PLPP3: variants seen among roughly 807,000 people sequenced by gnomAD.
PLPP3 encodes the protein phospholipid phosphatase 3, also known as PAP2 beta.
PLPP3 carries 6 observed loss-of-function variants against 29.6 expected under a neutral mutation model. The observed-to-expected ratio is 0.20, with a 90% CI of 0.11 to 0.40. The LOEUF (loss-of-function observed/expected upper bound fraction) is 0.40. Ranked by LOEUF, PLPP3 falls within the 10% of genes least tolerant of loss-of-function variation. The pLI is 1.00. For missense variants in PLPP3, 308 were observed against 407.7 expected (o/e 0.76, Z 2.11); for synonymous variants, 152 against 159.7 (o/e 0.95, Z 0.36).
intron 1 of PLPP3, among the ~76,000 whole-genome samples, chr1:56,548,949 A>G (rs1199985866): frequency 1.3e-5 from 2 of 152,236 alleles, no homozygotes; most frequent in South Asian, 2.1e-4. Context: ...GAAGTTAACA[A>G]AACTGCTGCT....
chr1:56,533,973 C>A (rs963809308), intron 2 of PLPP3, among the ~76,000 whole-genome samples: 3 of 152,120 alleles, frequency 2.0e-5, no homozygotes, highest in African/African-American at 4.8e-5. Flanking sequence ...GAGATTCATC[C>A]GTGACTCAAC....
intron 4 of PLPP3, among the ~76,000 whole-genome samples, chr1:56,518,103 C>T (rs971049193): frequency 3.3e-5 from 5 of 152,048 alleles, no homozygotes; most frequent in African/African-American, 1.2e-4. Flanking sequence ...AGAAGAGGTA[C>T]TCAGAAATAG....
rs1203373224 is a variant in PLPP3 at position 56,495,141 on chromosome 1, ATATTTATATAT to A, written c.*1399_*1409del. The A allele has an allele frequency of 2.0e-5, 3 of 152,100 alleles. No individual in the cohort carries two copies. Among genetic ancestry groups the A allele is most frequent in the Admixed American group, 2.0e-4 (3 of 15,256 alleles). The allele number at this position is 152,100 out of a possible 1,614,324, so 9.4% of individuals were successfully genotyped here. A position where few individuals can be genotyped will look rare whatever the true frequency, so the allele number is the denominator to read the frequency against. The stretch of plus-strand genomic sequence containing the variant: ...TAATGTTTTATACATTATTTATATA[ATATTTATATAT>A]AAAAATCATAGCTTGCTATAAGTTG... On this transcript the variant is annotated 3_prime_UTR_variant, in exon 6 of 6. Coordinates refer to ENST00000371250, the MANE Select transcript of PLPP3 (RefSeq NM_003713.5).
intron 1 of PLPP3, among the ~76,000 whole-genome samples, chr1:56,576,797 T>G (rs1646238893): frequency 6.6e-6 from 1 of 152,166 alleles, no homozygotes; most frequent in Admixed American, 6.5e-5. Flanking sequence ...AACTGAAACA[T>G]GCATATGCAC....
At chr1:56,546,728 C>A (rs568343935) in intron 1 of PLPP3, among the ~76,000 whole-genome samples, 1 of 152,250 alleles carries the variant, frequency 6.6e-6, no homozygotes, top group East Asian at 1.9e-4. Context: ...AATAGAAAGC[C>A]CTTACCAAAT....
At chr1:56,525,475 T>C (rs928335310) in intron 2 of PLPP3, among the ~76,000 whole-genome samples, 2 of 152,220 alleles carry the variant, frequency 1.3e-5, no homozygotes, top group African/African-American at 4.8e-5. Flanking sequence ...TTACCTATTA[T>C]ATACCAGACA....
intron 1 of PLPP3, among the ~76,000 whole-genome samples, chr1:56,573,510 A>C (rs1462521251): frequency 6.6e-6 from 1 of 152,250 alleles, no homozygotes; most frequent in East Asian, 1.9e-4. Context: ...TAAACAACAT[A>C]GTGATTCTAA....
At chr1:56,576,669 T>C (rs1646237674) in intron 1 of PLPP3, among the ~76,000 whole-genome samples, 1 of 152,214 alleles carries the variant, frequency 6.6e-6, no homozygotes, top group South Asian at 2.1e-4. Flanking sequence ...TGACGCCTTA[T>C]TGCTTTTTGG....
intron 1 of PLPP3, among the ~76,000 whole-genome samples, chr1:56,578,100 G>C (rs1646248416): frequency 6.6e-6 from 1 of 152,012 alleles, no homozygotes; most frequent in South Asian, 2.1e-4. Flanking sequence ...AACAGAAGTG[G>C]ACCATCGCCT....
At chr1:56,504,624 G>T (rs1224631013) in intron 5 of PLPP3, among the ~76,000 whole-genome samples, 3 of 152,112 alleles carry the variant, frequency 2.0e-5, no homozygotes, top group East Asian at 3.9e-4. Flanking sequence ...TGCATTTCTA[G>T]GGTCACAAAA....
intron 5 of PLPP3, among the ~76,000 whole-genome samples, chr1:56,509,022 T>A (rs1645722815): frequency 6.6e-6 from 1 of 152,190 alleles, no homozygotes; most frequent in Non-Finnish European, 1.5e-5. Flanking sequence ...CACTTCCCTG[T>A]CCTGGCCTCT....
chr1:56,512,895 C>T (rs527579874), intron 4 of PLPP3: 1 of 152,244 alleles, frequency 6.6e-6, no homozygotes, highest in South Asian at 2.1e-4. Context: ...TTACTTAACA[C>T]ATTTGTGTAT....
intron 5 of PLPP3, among the ~76,000 whole-genome samples, chr1:56,500,597 G>C (rs564310663): frequency 1.3e-5 from 2 of 152,354 alleles, no homozygotes; most frequent in South Asian, 4.1e-4. Flanking sequence ...GAGAGGACTA[G>C]ATATTGAAAA....
chr1:56,516,712 C>G (rs1645783431), intron 4 of PLPP3, among the ~76,000 whole-genome samples: 1 of 151,522 alleles, frequency 6.6e-6, no homozygotes, highest in Non-Finnish European at 1.5e-5. Flanking sequence ...AACCTTTTCT[C>G]TGCTACGTAC....
intron 5 of PLPP3, among the ~76,000 whole-genome samples, chr1:56,506,934 A>G (rs1645706139): frequency 6.6e-6 from 1 of 152,084 alleles, no homozygotes; most frequent in African/African-American, 2.4e-5. Flanking sequence ...CAGATCTCTG[A>G]AGGTGTGCAG....
chr1:56,578,054 C>A (rs1646248113), intron 1 of PLPP3, among the ~76,000 whole-genome samples: 1 of 152,156 alleles, frequency 6.6e-6, no homozygotes. Context: ...TTAACTCCCA[C>A]CGCTCTTCCA....
Position 56,512,080 on chromosome 1 carries a change from T to C in PLPP3, c.706A>G (p.Met236Val), listed in dbSNP as rs776584476. ...GACAGTCCCGTGTAGAAGGCCATCA[T>C]GATCAAGGTGAACTGCAGGAGGGGC... ...LRPLLQFTLI[M>V]MAFYTGLSRV... is the part of the protein sequence containing the mutation. Residue 236 changes from methionine to valine, a missense_variant, in exon 5 of 6, where the codon ATG becomes GTG. Coordinates refer to ENST00000371250, the MANE Select transcript of PLPP3 (RefSeq NM_003713.5). 2 of 1,613,414 alleles carry C rather than the reference T, an allele frequency of 1.2e-6. No homozygotes were observed. Among genetic ancestry groups the C allele is most frequent in the South Asian group, 1.1e-5 (1 of 90,926 alleles).
intron 1 of PLPP3, among the ~76,000 whole-genome samples, chr1:56,576,023 A>G (rs1377291500): frequency 2.6e-5 from 4 of 152,224 alleles, no homozygotes; most frequent in Non-Finnish European, 5.9e-5. Flanking sequence ...ATAGCTGTCC[A>G]ATGAAAGGTA....
intron 1 of PLPP3, among the ~76,000 whole-genome samples, chr1:56,547,854 C>G (rs1484368113): frequency 2.0e-5 from 3 of 152,170 alleles, no homozygotes; most frequent in Non-Finnish European, 4.4e-5. Context: ...ACCAGTTTTG[C>G]CACTGACACT....
Sources: allele counts gnomAD v4.1 joint callset (sites outside exome capture counted in the v4.1 genomes callset), GRCh38; gene constraint gnomAD v4.1.1; transcripts MANE v1.5; gene names NCBI Gene and HGNC (gene_info 2026-07-23, HGNC 2026-07-21).